The following BNC2 variants were observed in gnomAD, a reference collection of about 807,000 sequenced individuals.
BNC2 encodes the protein basonuclin zinc finger protein 2.
A neutral mutation model predicts 76.3 loss-of-function variants in BNC2; 20 were observed. That is an observed-to-expected ratio of 0.26 (90% CI 0.18 to 0.38). BNC2 has a LOEUF of 0.38. Among genes scored for constraint, BNC2 ranks in the 10% least tolerant of loss-of-function variants. BNC2 has a pLI of 1.00. For missense variants in BNC2, 1,382 were observed against 1,399.8 expected, an observed-to-expected ratio of 0.99 and a Z score of 0.20; for synonymous variants, 582 against 514.8, an observed-to-expected ratio of 1.13 and a Z score of -1.77.
intron 3 of BNC2, among the ~76,000 whole-genome samples, chr9:16,724,479 C>G (rs926944304): frequency 6.6e-6 from 1 of 152,000 alleles, no homozygotes. Flanking sequence ...AAGTGTCATA[C>G]CCTTTAATGT....
intron 3 of BNC2, among the ~76,000 whole-genome samples, chr9:16,587,525 G>A (rs1282283239): frequency 6.6e-6 from 1 of 151,678 alleles, no homozygotes; most frequent in Admixed American, 6.6e-5. Context: ...TTTTTTTCTA[G>A]ACTATTTAAA....
At chr9:16,493,153 G>A (rs540537260) in intron 5 of BNC2, among the ~76,000 whole-genome samples, 5 of 152,142 alleles carry the variant, frequency 3.3e-5, no homozygotes, top group African/African-American at 4.8e-5. Flanking sequence ...TACGCACGCA[G>A]AAAAAGCACT....
At chr9:16,441,709 T>C (rs4961491) in intron 5 of BNC2, among the ~76,000 whole-genome samples, 47,079 of 152,032 alleles carry the variant, frequency 0.31, 7,927 homozygotes, top group East Asian at 0.54. Context: ...TTTGGAAAAT[T>C]TGGGACAAGT....
chr9:16,560,088 A>AG (rs1818963636), intron 4 of BNC2, among the ~76,000 whole-genome samples: 1 of 152,202 alleles, frequency 6.6e-6, no homozygotes. Context: ...AATCAAGTGG[A>AG]GGACCTGTTG....
intron 3 of BNC2, among the ~76,000 whole-genome samples, chr9:16,708,245 G>A (rs1300655668): frequency 6.6e-6 from 1 of 152,164 alleles, no homozygotes; most frequent in Non-Finnish European, 1.5e-5. Context: ...TGAGCCAAAA[G>A]AAAACTTTAC....
At chr9:16,658,366 A>G (rs10756775) in intron 3 of BNC2, among the ~76,000 whole-genome samples, 145,636 of 152,182 alleles carry the variant, frequency 0.96, 69,733 homozygotes, top group East Asian at 1. Flanking sequence ...TAAACAGCCC[A>G]GTATATTTTA....
chr9:16,447,114 GA>G (rs1267376454), intron 5 of BNC2, among the ~76,000 whole-genome samples: 1 of 152,090 alleles, frequency 6.6e-6, no homozygotes, highest in Admixed American at 6.6e-5. Context: ...TATTTAATAA[GA>G]ATATCTTAGG....
chr9:16,663,300 T>C (rs147710977), intron 3 of BNC2, among the ~76,000 whole-genome samples: 6,206 of 151,940 alleles, frequency 0.041, 186 homozygotes, highest in East Asian at 0.11. Context: ...CCCTGGCTAA[T>C]TTTTGTATTT....
intron 3 of BNC2, among the ~76,000 whole-genome samples, chr9:16,680,140 A>T (rs10738445): frequency 1.3e-5 from 2 of 152,000 alleles, no homozygotes; most frequent in African/African-American, 2.4e-5. Context: ...GAAACATACA[A>T]CATTTTGGCA....
chr9:16,619,340 A>C (rs1587242294), intron 3 of BNC2, among the ~76,000 whole-genome samples: 1 of 108,298 alleles, frequency 9.2e-6, no homozygotes, highest in South Asian at 3.2e-4. Flanking sequence ...AACAAAAAAC[A>C]AAAAAAAAAT....
At chr9:16,473,492 C>T (rs1003873770) in intron 5 of BNC2, 1 of 152,300 alleles carries the variant, frequency 6.6e-6, no homozygotes, top group South Asian at 2.1e-4. Context: ...CCCAGCTCCA[C>T]CACTGTCAAA....
intron 1 of BNC2, among the ~76,000 whole-genome samples, chr9:16,755,174 C>CA: frequency 6.6e-6 from 1 of 151,956 alleles, no homozygotes; most frequent in African/African-American, 2.4e-5. Flanking sequence ...AAAATATTTC[C>CA]AAATAAGCAA....
chr9:16,460,988 G>A (rs1020414680), intron 5 of BNC2, among the ~76,000 whole-genome samples: 26 of 151,254 alleles, frequency 1.7e-4, no homozygotes, highest in African/African-American at 6.1e-4. Context: ...CTACCAAGAC[G>A]GCAGACAAGA....
intron 3 of BNC2, among the ~76,000 whole-genome samples, chr9:16,693,411 G>A (rs1355592606): frequency 6.6e-6 from 1 of 152,080 alleles, no homozygotes; most frequent in East Asian, 1.9e-4. Context: ...CATGCTTCTT[G>A]GCCAAAGATT....
chr9:16,841,520 A>G (rs1458788185), intron 1 of BNC2, among the ~76,000 whole-genome samples: 1 of 109,512 alleles, frequency 9.1e-6, no homozygotes, highest in Non-Finnish European at 1.8e-5. Flanking sequence ...TCAAACCATC[A>G]TATCATCAAA....
chr9:16,608,361 G>T (rs956827952), intron 3 of BNC2, among the ~76,000 whole-genome samples: 1 of 151,850 alleles, frequency 6.6e-6, no homozygotes, highest in Admixed American at 6.6e-5. Flanking sequence ...CCCTCCCTCT[G>T]TCTCTGTACA....
intron 4 of BNC2, among the ~76,000 whole-genome samples, chr9:16,569,780 A>C (rs1229000767): frequency 1.3e-5 from 2 of 152,292 alleles, no homozygotes; most frequent in East Asian, 3.9e-4. Context: ...TTGACAGTAG[A>C]TCTAAGAAGA....
intron 1 of BNC2, among the ~76,000 whole-genome samples, chr9:16,800,224 C>CA (rs61387643): frequency 0.7 from 100,886 of 143,582 alleles, 36,984 homozygotes; most frequent in Non-Finnish European, 0.84. Flanking sequence ...GACTCCATCT[C>CA]AAAAAAAAAA....
At chr9:16,511,110 T>C (rs1822743944) in intron 5 of BNC2, among the ~76,000 whole-genome samples, 1 of 150,242 alleles carries the variant, frequency 6.7e-6, no homozygotes, top group African/African-American at 2.4e-5. Flanking sequence ...ACTTACTTTT[T>C]TTTTTTTTTT....
Sources: gnomAD v4.1 joint callset for allele counts (sites outside exome capture counted in the v4.1 genomes callset) on GRCh38, gnomAD v4.1.1 for gene constraint, MANE v1.5 for transcripts, NCBI Gene and HGNC (gene_info 2026-07-23, HGNC 2026-07-21) for gene names.